Variants in ADGRG6 observed in about 807,000 individuals in gnomAD.
ADGRG6 encodes the protein adhesion G protein-coupled receptor G6.
In ADGRG6, 84 loss-of-function variants were observed where a neutral mutation model predicts 142.4. That is an observed-to-expected ratio of 0.59 (90% CI 0.49 to 0.71). ADGRG6 has a LOEUF of 0.71. Among genes scored for constraint, ADGRG6 ranks in the 30% least tolerant of loss-of-function variants. The probability of loss-of-function intolerance (pLI) is 0.00; values close to 1 mark genes in which losing one functional copy is unlikely to be tolerated. For missense variants in ADGRG6, 1,367 were observed against 1,466.6 expected (o/e 0.93, Z 1.11); for synonymous variants, 521 against 520.5 (o/e 1.00, Z -0.01).
chr6:142,421,353 A>G (rs2115103363), intron 22 of ADGRG6, among the ~76,000 whole-genome samples: 1 of 152,342 alleles, frequency 6.6e-6, no homozygotes, highest in East Asian at 1.9e-4. Context: ...CTTATAACAA[A>G]GGAAGTATGT....
At position 142,443,771 on chromosome 6, in the gene ADGRG6, A is replaced by G. The variant is rs1379554823; in HGVS notation, c.*256A>G. 1 of 315,812 alleles carries G rather than the reference A, an allele frequency of 3.2e-6. No individual in the cohort carries two copies. The highest frequency in any genetic ancestry group is 2.2e-5 in the African/African-American group (1 of 45,864). 19.6% of individuals were successfully genotyped at this position (315,812 alleles called of 1,614,324 possible). A position where few individuals can be genotyped will look rare whatever the true frequency, so the allele number is the denominator to read the frequency against. On this transcript the variant is annotated 3_prime_UTR_variant, in exon 25 of 25. Coordinates refer to ENST00000367609, the MANE Select transcript of ADGRG6 (RefSeq NM_198569.3). Reference sequence around the variant, plus strand: ...CCACAGAAGCTATGATTTGTAAAATATATAATTGAATCAGAGTAATCATAA... The same window carrying G: ...CCACAGAAGCTATGATTTGTAAAATGTATAATTGAATCAGAGTAATCATAA...
intron 2 of ADGRG6, among the ~76,000 whole-genome samples, chr6:142,336,627 A>G (rs1779329539): frequency 6.6e-6 from 1 of 152,230 alleles, no homozygotes; most frequent in South Asian, 2.1e-4. Flanking sequence ...GGCATGTTCT[A>G]AGGAACTGTG....
chr6:142,397,590 T>G (rs1005718315), intron 9 of ADGRG6, 23 bp from the exon 10 acceptor site: 86 of 1,604,988 alleles, frequency 5.4e-5, no homozygotes, highest in Non-Finnish European at 7.1e-5. Flanking sequence ...ACAACAACAG[T>G]TCTATCCGAA....
chr6:142,326,037 A>T (rs899824229), intron 2 of ADGRG6, among the ~76,000 whole-genome samples: 1 of 152,130 alleles, frequency 6.6e-6, no homozygotes, highest in African/African-American at 2.4e-5. Flanking sequence ...TAATGTAGAA[A>T]TACAGGTAGG....
At position 142,309,601 on chromosome 6, in the gene ADGRG6, C is replaced by T. The variant is rs760494988; in HGVS notation, c.60C>T (p.Leu20=). ...SCHWKWKPSP[L]LFLFALYIMC... ...ATTGGAAATGGAAGCCCAGTCCTCT[C>T]CTGTTCTTATTTGCTTTATATATCA... The change falls in exon 2 of 25, where the codon CTC becomes CTT. Residue 20 remains leucine (L), a synonymous_variant. Transcript: ENST00000367609. The T allele has an allele frequency of 1.1e-5, 18 of 1,608,602 alleles. No individual in the cohort carries two copies. Among genetic ancestry groups the T allele is most frequent in the Admixed American group, 1.7e-5 (1 of 59,426 alleles).
chr6:142,311,468 T>G (rs908953067), intron 2 of ADGRG6, among the ~76,000 whole-genome samples: 1 of 151,846 alleles, frequency 6.6e-6, no homozygotes, highest in Admixed American at 6.6e-5. Context: ...AATATAAAAT[T>G]TTTGCCTTAT....
intron 22 of ADGRG6, among the ~76,000 whole-genome samples, chr6:142,427,265 A>G (rs1237201781): frequency 1.3e-5 from 2 of 152,152 alleles, no homozygotes; most frequent in African/African-American, 4.8e-5. Context: ...TTTGTTGCTT[A>G]GAAATTTCTT....
intron 6 of ADGRG6, among the ~76,000 whole-genome samples, chr6:142,387,259 C>G (rs1782076845): frequency 6.6e-6 from 1 of 152,180 alleles, no homozygotes; most frequent in African/African-American, 2.4e-5. Flanking sequence ...ACATCACTAG[C>G]TACTGAATAG....
intron 2 of ADGRG6, among the ~76,000 whole-genome samples, chr6:142,339,917 A>G (rs748119420): frequency 6.6e-6 from 1 of 152,008 alleles, no homozygotes; most frequent in Non-Finnish European, 1.5e-5. Context: ...TCTGTGTTCC[A>G]TTATCATACA....
At position 142,367,584 on chromosome 6, in the gene ADGRG6, A is replaced by C. The variant is rs367816376; in HGVS notation, c.119A>C (p.Asn40Thr). The C allele has an allele frequency of 6.2e-7, 1 of 1,613,146 alleles. No individual in the cohort carries two copies. Among genetic ancestry groups the C allele is most frequent in the African/African-American group, 1.3e-5 (1 of 74,856 alleles). The change falls in exon 3 of 25, where the codon AAC (asparagine) becomes ACC (threonine). Residue 40 changes from asparagine (N) to threonine (T), a missense_variant. Asn to Thr is a moderately conservative substitution (Grantham distance 65, BLOSUM62 0). Around this residue, in one of 3 missense-constraint regions of ADGRG6, gnomAD observed 737 missense variants for 746.5 expected, o/e 0.99. Transcript: ENST00000367609. ...TGGCCAGCAGTGTGGGGATGTGCCA[A>C]CTGCCGAGTGGTTTTGTCCAACCCT... is the stretch of plus-strand genomic sequence containing the variant. ...CVPHSVWGCA[N>T]CRVVLSNPSG...
intron 16 of ADGRG6, among the ~76,000 whole-genome samples, chr6:142,408,984 T>C (rs1206377876): frequency 1.3e-5 from 2 of 152,194 alleles, no homozygotes; most frequent in Non-Finnish European, 2.9e-5. Context: ...TTCCTTTGTT[T>C]CAGCCCCTTC....
chr6:142,393,433 A>C (rs1444850176), intron 8 of ADGRG6, among the ~76,000 whole-genome samples: 4 of 151,970 alleles, frequency 2.6e-5, no homozygotes, highest in African/African-American at 7.3e-5. Context: ...ATTATCCTTC[A>C]CTGTATTTAT....
chr6:142,315,868 T>TAAAG (rs1486708805), intron 2 of ADGRG6, among the ~76,000 whole-genome samples: 5 of 131,942 alleles, frequency 3.8e-5, no homozygotes, highest in Non-Finnish European at 8.1e-5. Flanking sequence ...AATAAATAAA[T>TAAAG]AAAGCAAGGT....
chr6:142,352,956 C>T, intron 2 of ADGRG6, among the ~76,000 whole-genome samples: 1 of 152,116 alleles, frequency 6.6e-6, no homozygotes, highest in East Asian at 1.9e-4. Context: ...TTCAGATCTC[C>T]TCCCTCTCCT....
chr6:142,443,610 AACTGC>A lies in ADGRG6; in HGVS notation c.*97_*101del. ...GATGTAAATGTGCTATTACCTAGGT[AACTGC>A]ATATATATAAGGAATGTATTTTGTT... On this transcript the variant is annotated 3_prime_UTR_variant, in exon 25 of 25. Transcript: ENST00000367609. The A allele has an allele frequency of 1.4e-6, 1 of 730,002 alleles. No homozygotes were observed. Among genetic ancestry groups the A allele is most frequent in the Non-Finnish European group, 2.3e-6 (1 of 437,454 alleles). The allele number at this position is 730,002 out of a possible 1,614,324, so 45.2% of individuals were successfully genotyped here.
chr6:142,408,799 C>G (rs1317506341), intron 16 of ADGRG6, among the ~76,000 whole-genome samples: 1 of 151,966 alleles, frequency 6.6e-6, no homozygotes, highest in Non-Finnish European at 1.5e-5. Flanking sequence ...CCCAGATGGC[C>G]CAAGAACAGG....
At chr6:142,348,279 T>A (rs1780001482) in intron 2 of ADGRG6, among the ~76,000 whole-genome samples, 1 of 152,168 alleles carries the variant, frequency 6.6e-6, no homozygotes, top group Non-Finnish European at 1.5e-5. Flanking sequence ...TCAAAGGGAA[T>A]ATGAAACTCC....
At chr6:142,371,720 C>T (rs796983628) in intron 4 of ADGRG6, among the ~76,000 whole-genome samples, 3 of 152,112 alleles carry the variant, frequency 2.0e-5, no homozygotes, top group African/African-American at 4.8e-5. Flanking sequence ...CTCCTGACCT[C>T]GTGATCGGCC....
intron 22 of ADGRG6, among the ~76,000 whole-genome samples, chr6:142,429,417 A>G (rs940129443): frequency 3.7e-5 from 1 of 26,726 alleles, no homozygotes; most frequent in East Asian, 0.12. Flanking sequence ...CTTGGCTGAG[A>G]CATTACAGCT....
Sources: allele counts gnomAD v4.1 joint callset (sites outside exome capture counted in the v4.1 genomes callset), GRCh38; gene constraint gnomAD v4.1.1; regional missense constraint gnomAD v4.1.1; transcripts MANE v1.5; gene names NCBI Gene and HGNC (gene_info 2026-07-23, HGNC 2026-07-21).